TMEFF2: variants seen among roughly 807,000 people sequenced by gnomAD.
TMEFF2 encodes transmembrane protein with EGF like and two follistatin like domains 2.
Under a neutral mutation model 53.8 loss-of-function variants are expected in TMEFF2, and 28 were observed. The ratio of observed to expected loss-of-function variants is 0.52; its 90% CI spans 0.39 to 0.71. The LOEUF (loss-of-function observed/expected upper bound fraction) is 0.71. Ranked by LOEUF, TMEFF2 falls within the 30% of genes least tolerant of loss-of-function variation. The pLI, the probability that TMEFF2 is intolerant of heterozygous loss-of-function variation, is 0.00. For missense variants in TMEFF2, 353 were observed against 455.2 expected (o/e 0.78, Z 2.04); for synonymous variants, 162 against 166.3 (o/e 0.97, Z 0.20).
At chr2:192,134,461 C>A (rs1156293889) in intron 4 of TMEFF2, among the ~76,000 whole-genome samples, 1 of 152,190 alleles carries the variant, frequency 6.6e-6, no homozygotes, top group Non-Finnish European at 1.5e-5. Flanking sequence ...ATAATACAAG[C>A]CACTAGCCCG....
At chr2:192,077,678 G>A (rs1449966888) in intron 4 of TMEFF2, among the ~76,000 whole-genome samples, 1 of 152,008 alleles carries the variant, frequency 6.6e-6, no homozygotes, top group African/African-American at 2.4e-5. Context: ...TAATGTCTGA[G>A]TGGATACAGA....
intron 4 of TMEFF2, among the ~76,000 whole-genome samples, chr2:192,058,594 G>A (rs929410251): frequency 1.3e-5 from 2 of 152,048 alleles, no homozygotes; most frequent in African/African-American, 2.4e-5. Flanking sequence ...AAAATTTCTA[G>A]TATTTGAGTA....
intron 4 of TMEFF2, among the ~76,000 whole-genome samples, chr2:192,117,558 A>C (rs1295942452): frequency 6.6e-6 from 1 of 152,052 alleles, no homozygotes; most frequent in Non-Finnish European, 1.5e-5. Context: ...CAGAGAACCT[A>C]AGGCTGATTA....
chr2:192,140,441 G>A (rs1690109967), intron 4 of TMEFF2, among the ~76,000 whole-genome samples: 1 of 152,192 alleles, frequency 6.6e-6, no homozygotes, highest in African/African-American at 2.4e-5. Context: ...TCCGCACCGA[G>A]GGAGATGATA....
chr2:192,189,372 T>C (rs1691403422), intron 2 of TMEFF2, among the ~76,000 whole-genome samples: 1 of 150,844 alleles, frequency 6.6e-6, no homozygotes, highest in Non-Finnish European at 1.5e-5. Context: ...GGTGAAACCG[T>C]GTGTCTACTA....
chr2:191,950,095 T>C lies in TMEFF2; in HGVS notation c.*216A>G. On this transcript the variant is annotated 3_prime_UTR_variant, in exon 10 of 10. Transcript: ENST00000272771. ...AAACTATATTGTGTGATATAAATAG[T>C]TTATTTACATTACAGAAAAAACATC... The C allele has an allele frequency of 2.3e-6, 3 of 1,304,148 alleles. No individual in the cohort carries two copies. The highest frequency in any genetic ancestry group is 2.9e-6 in the Non-Finnish European group (3 of 1,019,364). The allele number at this position is 1,304,148 out of a possible 1,614,324, so 80.8% of individuals were successfully genotyped here. A position where few individuals can be genotyped will look rare whatever the true frequency, so the allele number is the denominator to read the frequency against.
At chr2:192,088,994 A>G (rs1688729184) in intron 4 of TMEFF2, among the ~76,000 whole-genome samples, 1 of 152,118 alleles carries the variant, frequency 6.6e-6, no homozygotes, top group South Asian at 2.1e-4. Flanking sequence ...TGGAATCTGT[A>G]TCTAATTGAT....
intron 4 of TMEFF2, among the ~76,000 whole-genome samples, chr2:192,098,971 A>T (rs1418625294): frequency 6.6e-6 from 1 of 152,160 alleles, no homozygotes; most frequent in Non-Finnish European, 1.5e-5. Context: ...AAACAGAGGT[A>T]TTATATTTTT....
chr2:192,048,346 A>G (rs1687674725), intron 5 of TMEFF2, among the ~76,000 whole-genome samples: 1 of 134,860 alleles, frequency 7.4e-6, no homozygotes, highest in Admixed American at 7.9e-5. Flanking sequence ...GTAAAATATT[A>G]TTAGATTCTC....
chr2:192,112,854 C>T (rs1689316937), intron 4 of TMEFF2, among the ~76,000 whole-genome samples: 1 of 152,078 alleles, frequency 6.6e-6, no homozygotes, highest in Non-Finnish European at 1.5e-5. Flanking sequence ...TAAGTGAAAA[C>T]CTCTTTTGCT....
Position 192,048,240 on chromosome 2 carries a change from A to G in TMEFF2, c.536+9439T>C, listed in dbSNP as rs149695893. On this transcript the variant is annotated intron_variant, in intron 5 of 9. Transcript: ENST00000272771. The stretch of plus-strand genomic sequence containing the variant: ...AGAAATTGCATTCCAGTATAAATAC[A>G]TTATTCTTAAATTGGTTTGGCATTC... Among the ~76,000 whole-genome samples, 353 of 152,162 alleles carry G rather than the reference A, an allele frequency of 2.3e-3. 2 individuals carry two copies. The highest frequency in any genetic ancestry group is 3.6e-3 in the Non-Finnish European group (245 of 67,982).
At chr2:192,096,592 A>G (rs1380464233) in intron 4 of TMEFF2, among the ~76,000 whole-genome samples, 1 of 150,370 alleles carries the variant, frequency 6.7e-6, no homozygotes, top group African/African-American at 2.4e-5. Flanking sequence ...CTAAAACACC[A>G]ATATATATTT....
rs531851576 is a variant in TMEFF2, at chr2:192,001,620, G to A, written c.537-2412C>T. Among the ~76,000 whole-genome samples, 6 of 152,230 alleles carry A rather than the reference G, an allele frequency of 3.9e-5. No homozygotes were observed. The East Asian group carries it at 1.2e-3, about 29-fold the overall frequency. ...TCCTATGTGTTGTGGGAGCGACCTG[G>A]TGGGAGATAATTGAATCATGGGGGC... On this transcript the variant is annotated intron_variant, in intron 5 of 9. Transcript: ENST00000272771.
chr2:192,085,060 A>G lies in TMEFF2; in HGVS notation c.440-27285T>C, dbSNP rs1050769083. ...TAGCTTCTTTTCTCGTCTCCTTCAC[A>G]GAAATGAAATCTGTATTCAGGATGT... On this transcript the variant is annotated intron_variant, in intron 4 of 9. Coordinates refer to ENST00000272771, the MANE Select transcript of TMEFF2 (RefSeq NM_016192.4). Among the ~76,000 whole-genome samples the G allele has an allele frequency of 2.0e-5, 3 of 152,314 alleles. No homozygotes were observed. In the East Asian group the frequency reaches 5.8e-4, roughly 29 times the overall value.
intron 9 of TMEFF2, among the ~76,000 whole-genome samples, chr2:191,950,694 A>G (rs1691849423): frequency 6.6e-6 from 1 of 152,182 alleles, no homozygotes; most frequent in Non-Finnish European, 1.5e-5. Flanking sequence ...ATGACTCAGC[A>G]CAATGCAATC....
chr2:192,063,324 T>G (rs571809798), intron 4 of TMEFF2, among the ~76,000 whole-genome samples: 1 of 152,094 alleles, frequency 6.6e-6, no homozygotes, highest in South Asian at 2.1e-4. Flanking sequence ...AGTGTGTTTT[T>G]AACTTCCAAA....
intron 4 of TMEFF2, among the ~76,000 whole-genome samples, chr2:192,084,791 G>C (rs565554953): frequency 6.6e-6 from 1 of 152,146 alleles, no homozygotes; most frequent in East Asian, 1.9e-4. Flanking sequence ...TGGGTGTCTA[G>C]CACAGGTTGA....
chr2:191,969,661 TGA>T (rs1692578489), intron 7 of TMEFF2, among the ~76,000 whole-genome samples: 1 of 152,178 alleles, frequency 6.6e-6, no homozygotes, highest in Non-Finnish European at 1.5e-5. Context: ...GAAATGGCAA[TGA>T]GAGAATTTAT....
intron 4 of TMEFF2, among the ~76,000 whole-genome samples, chr2:192,169,481 G>T (rs1449325902): frequency 2.0e-5 from 3 of 152,092 alleles, no homozygotes; most frequent in Admixed American, 6.6e-5. Context: ...GGTGGTCTTT[G>T]TATCTCCTGT....
Sources: allele counts gnomAD v4.1 joint callset (sites outside exome capture counted in the v4.1 genomes callset), GRCh38; gene constraint gnomAD v4.1.1; transcripts MANE v1.5; gene names NCBI Gene and HGNC (gene_info 2026-07-23, HGNC 2026-07-21).